The following RHD variants were observed in gnomAD, a reference collection of about 807,000 sequenced individuals.
The protein encoded by RHD is blood group Rh(D) polypeptide.
A neutral mutation model predicts 45.5 loss-of-function variants in RHD; 16 were observed. The ratio of observed to expected loss-of-function variants is 0.35; its 90% CI spans 0.24 to 0.53. The LOEUF (loss-of-function observed/expected upper bound fraction) is 0.53. Among genes scored for constraint, RHD ranks in the 20% least tolerant of loss-of-function variants. The probability of loss-of-function intolerance (pLI) is 0.92; values close to 1 mark genes in which losing one functional copy is unlikely to be tolerated. For synonymous variants in RHD, 131 were observed against 217.5 expected (o/e 0.60, Z 3.50); for missense variants, 306 against 532.0 (o/e 0.58, Z 4.18).
chr1:25,315,749 G>A (rs1301481671), intron 7 of RHD, among the ~76,000 whole-genome samples: 1 of 130,036 alleles, frequency 7.7e-6, no homozygotes, highest in Non-Finnish European at 1.8e-5. Flanking sequence ...GCCCGCCTCG[G>A]CCTCCCAAAG....
In RHD at chr1:25,294,338, A is replaced by G; in HGVS notation, c.486+3547A>G. The G allele has an allele frequency of 2.8e-6, 3 of 1,084,850 alleles. 1 individual carries two copies. Among genetic ancestry groups the G allele is most frequent in the South Asian group, 1.3e-5 (1 of 79,498 alleles). The allele number at this position is 1,084,850 out of a possible 1,614,324, so 67.2% of individuals were successfully genotyped here. A position where few individuals can be genotyped will look rare whatever the true frequency, so the allele number is the denominator to read the frequency against. On this transcript the variant is annotated intron_variant, in intron 3 of 9. Transcript: ENST00000328664. ...CAACTTGTCCAAGGCCCCAGTGACC[A>G]TGAAGAGTGAGGGCTGCAGCCAGGG...
intron 2 of RHD, among the ~76,000 whole-genome samples, chr1:25,287,288 G>A (rs937836591): frequency 7.5e-6 from 1 of 133,214 alleles, no homozygotes; most frequent in Non-Finnish European, 1.8e-5. Context: ...TCAGCCTCCT[G>A]CCCCACAGTC....
At chr1:25,301,194 T>G in intron 4 of RHD, 101 bp downstream of exon 4, 1 of 1,104,132 alleles carries the variant, frequency 9.1e-7, no homozygotes, top group East Asian at 2.3e-5. Flanking sequence ...CAAGTTCCCC[T>G]GGGTGTCTGA....
chr1:25,290,566 T>C (rs1490765940), intron 2 of RHD, 75 bp from the exon 3 acceptor site: 1 of 1,120,222 alleles, frequency 8.9e-7, no homozygotes, highest in Non-Finnish European at 1.3e-6. Context: ...AATGAATGAA[T>C]GAATGAATGA....
At chr1:25,285,576 T>C (rs1390470359) in intron 2 of RHD, among the ~76,000 whole-genome samples, 3 of 135,104 alleles carry the variant, frequency 2.2e-5, no homozygotes, top group South Asian at 2.2e-4. Flanking sequence ...TCACAACTAA[T>C]GTATGGTGCC....
In RHD at chr1:25,329,113, A is replaced by C; in HGVS notation, c.*189A>C. ...TTTGAGGAGAATCTCACCATTTATT[A>C]TGCACTGTAGAATACAACAATAAAA... is the stretch of plus-strand genomic sequence containing the variant. On this transcript the variant is annotated 3_prime_UTR_variant, in exon 10 of 10. Coordinates refer to ENST00000328664, the MANE Select transcript of RHD (RefSeq NM_016124.6). 8.1e-7 allele frequency: 1 copy of C among 1,227,800 alleles called. No individual in the cohort carries two copies. The highest frequency in any genetic ancestry group is 2.4e-5 in the East Asian group (1 of 41,776). 76.1% of individuals were successfully genotyped at this position (1,227,800 alleles called of 1,614,324 possible).
rs1266387068 is a variant in RHD, at chr1:25,318,273, T to TA, written c.1153+1203dup. 1.0e-4 allele frequency: 13 copies of TA among 125,170 alleles called. 2 individuals are homozygous for TA. The highest frequency in any genetic ancestry group is 1.9e-4 in the African/African-American group (7 of 36,854). The allele number at this position is 125,170 out of a possible 1,614,324, so 7.8% of individuals were successfully genotyped here. ...GGTTGCAGTGAGCCGAGACTCTGTC[T>TA]AAAAAAAAAGAAAAAAAGAAAATAC... On this transcript the variant is annotated intron_variant, in intron 8 of 9. Transcript: ENST00000328664.
intron 7 of RHD, among the ~76,000 whole-genome samples, chr1:25,314,613 C>A (rs1217420026): frequency 7.5e-6 from 1 of 132,782 alleles, no homozygotes; most frequent in African/African-American, 2.6e-5. Context: ...CATACTTCAT[C>A]CTCCTGAGTA....
intron 3 of RHD, among the ~76,000 whole-genome samples, chr1:25,297,862 C>T (rs1224016107): frequency 1.5e-5 from 2 of 131,398 alleles, no homozygotes; most frequent in African/African-American, 5.3e-5. Context: ...ACACAAAGAA[C>T]CTCCAAGGGC....
In RHD at chr1:25,303,595, T is replaced by C. The variant is rs376297157; in HGVS notation, c.939+136T>C. ...TTCTCTTATTGGCTTCAACGCCTAGTGAGGGATCCATCCTGGCTCGGTGGC... is the reference window on the plus strand; with the variant it reads ...TTCTCTTATTGGCTTCAACGCCTAGCGAGGGATCCATCCTGGCTCGGTGGC... On this transcript the variant is annotated intron_variant, in intron 6 of 9. Coordinates refer to ENST00000328664, the MANE Select transcript of RHD (RefSeq NM_016124.6). 8.8e-5 allele frequency: 84 copies of C among 950,216 alleles called. 15 individuals are homozygous for C. The highest frequency in any genetic ancestry group is 7.6e-4 in the Admixed American group (36 of 47,506). The allele number at this position is 950,216 out of a possible 1,614,324, so 58.9% of individuals were successfully genotyped here. A position where few individuals can be genotyped will look rare whatever the true frequency, so the allele number is the denominator to read the frequency against.
In RHD at chr1:25,273,887, G is replaced by T. The variant is rs1474286432; in HGVS notation, c.148+1192G>T. Reference sequence around the variant, plus strand: ...GAAGCAAAGAGAAGTCATCCTGGGGGCCATGGCAGTGACAAGTAGGACTTA... The same window carrying T: ...GAAGCAAAGAGAAGTCATCCTGGGGTCCATGGCAGTGACAAGTAGGACTTA... On this transcript the variant is annotated intron_variant, in intron 1 of 9. Transcript: ENST00000328664. Among the ~76,000 whole-genome samples, 2 of 129,268 alleles carry T rather than the reference G, an allele frequency of 1.5e-5. 1 individual carries two copies. The highest frequency in any genetic ancestry group is 3.7e-5 in the Non-Finnish European group (2 of 54,568). The allele number at this position is 129,268 out of a possible 152,430, so 84.8% of individuals were successfully genotyped here.
chr1:25,303,021 A>C (rs1419884529), intron 5 of RHD, among the ~76,000 whole-genome samples: 2 of 131,254 alleles, frequency 1.5e-5, no homozygotes, highest in African/African-American at 5.2e-5. Context: ...GCCCAGGGAC[A>C]CACCACTAAT....
rs114670556 is a variant in RHD, at chr1:25,303,588, C to T, written c.939+129C>T. The T allele has an allele frequency of 3.4e-3, 3,399 of 997,028 alleles. 512 individuals are homozygous for T. The African/African-American group carries it at 0.043, about 13-fold the overall frequency. 61.8% of individuals were successfully genotyped at this position (997,028 alleles called of 1,614,324 possible). Reference sequence around the variant, plus strand: ...CGGCGCATTCTCTTATTGGCTTCAACGCCTAGTGAGGGATCCATCCTGGCT... The same window carrying T: ...CGGCGCATTCTCTTATTGGCTTCAATGCCTAGTGAGGGATCCATCCTGGCT... On this transcript the variant is annotated intron_variant, in intron 6 of 9. Coordinates refer to ENST00000328664, the MANE Select transcript of RHD (RefSeq NM_016124.6).
chr1:25,289,194 G>C (rs28394582), intron 2 of RHD, among the ~76,000 whole-genome samples: 1 of 131,728 alleles, frequency 7.6e-6, no homozygotes, highest in Non-Finnish European at 1.8e-5. Flanking sequence ...TACAGAGAGT[G>C]AATTTTTTTT....
chr1:25,279,052 G>A (rs181240449), intron 1 of RHD, among the ~76,000 whole-genome samples: 3 of 129,690 alleles, frequency 2.3e-5, no homozygotes, highest in African/African-American at 8.0e-5. Context: ...GAGTGGGAGG[G>A]GGCGCAGATC....
intron 3 of RHD, among the ~76,000 whole-genome samples, chr1:25,298,274 C>G (rs1208729767): frequency 1.8e-5 from 2 of 112,800 alleles, no homozygotes; most frequent in African/African-American, 2.8e-5. Flanking sequence ...CCCTGTGAGC[C>G]CGAACCTCTT....
intron 3 of RHD, among the ~76,000 whole-genome samples, chr1:25,298,602 C>T (rs553025760): frequency 7.6e-6 from 1 of 131,448 alleles, no homozygotes; most frequent in African/African-American, 2.6e-5. Context: ...AACACAAGCC[C>T]GCTTTTCAGT....
Position 25,300,869 on chromosome 1 carries a change from C to A in RHD, c.487-77C>A, listed in dbSNP as rs1392126736. On this transcript the variant is annotated intron_variant, in intron 3 of 9. Coordinates refer to ENST00000328664, the MANE Select transcript of RHD (RefSeq NM_016124.6). ...CACACCTCCTAAGTGAAGCTCTGAA[C>A]TTTCTCCAAGGACTATCAGGGCTTG... 16 of 1,333,730 alleles carry A rather than the reference C, an allele frequency of 1.2e-5. 3 individuals are homozygous for A. The South Asian group carries it at 1.8e-4, about 15-fold the overall frequency. The allele number at this position is 1,333,730 out of a possible 1,614,324, so 82.6% of individuals were successfully genotyped here.
intron 7 of RHD, among the ~76,000 whole-genome samples, chr1:25,316,025 AG>A (rs1349809243): frequency 7.6e-6 from 1 of 131,268 alleles, no homozygotes; most frequent in African/African-American, 2.6e-5. Flanking sequence ...TGTTGAGACA[AG>A]AAACAGGAAA....
Sources: gnomAD v4.1 joint callset for allele counts (sites outside exome capture counted in the v4.1 genomes callset) on GRCh38, gnomAD v4.1.1 for gene constraint, MANE v1.5 for transcripts, NCBI Gene and HGNC (gene_info 2026-07-23, HGNC 2026-07-21) for gene names.